Variants in CCSER1 observed in about 807,000 individuals in gnomAD.
CCSER1 encodes coiled-coil serine rich protein 1.
CCSER1 carries 41 observed loss-of-function variants against 82.0 expected under a neutral mutation model. The observed-to-expected ratio is 0.50, with a 90% CI of 0.39 to 0.65. The LOEUF (loss-of-function observed/expected upper bound fraction) is 0.65. CCSER1 is among the 30% of genes least tolerant of loss of function. The pLI, the probability that CCSER1 is intolerant of heterozygous loss-of-function variation, is 0.00. For synonymous variants in CCSER1, 414 were observed against 383.9 expected (o/e 1.08, Z -0.92); for missense variants, 1,119 against 1,064.2 (o/e 1.05, Z -0.72).
rs1448774349 is a variant in CCSER1, at chr4:91,233,909, A to C, written c.2217+147915A>C. Among the ~76,000 whole-genome samples, 7 of 152,068 alleles carry C rather than the reference A, an allele frequency of 4.6e-5. No individual in the cohort carries two copies. The East Asian group carries it at 1.4e-3, about 29-fold the overall frequency. ...ATAATTTAGTAAAGCAATTACTAATATATTCAAAATAAACCATGTCAATTA... is the reference window on the plus strand; with the variant it reads ...ATAATTTAGTAAAGCAATTACTAATCTATTCAAAATAAACCATGTCAATTA... On this transcript the variant is annotated intron_variant, in intron 10 of 10. Coordinates refer to ENST00000509176, the MANE Select transcript of CCSER1 (RefSeq NM_001145065.2).
intron 10 of CCSER1, among the ~76,000 whole-genome samples, chr4:91,301,621 T>G (rs536157667): frequency 2.1e-4 from 32 of 151,842 alleles, no homozygotes; most frequent in South Asian, 1.7e-3. Context: ...GTTTAACAAC[T>G]GATATGTTTT....
At chr4:91,031,179 C>T (rs980368908) in intron 9 of CCSER1, among the ~76,000 whole-genome samples, 3 of 152,154 alleles carry the variant, frequency 2.0e-5, no homozygotes, top group African/African-American at 7.2e-5. Context: ...TTACAGATGT[C>T]ACTGCCTGGA....
chr4:91,594,090 A>G, intron 10 of CCSER1, among the ~76,000 whole-genome samples: 1 of 152,010 alleles, frequency 6.6e-6, no homozygotes, highest in East Asian at 1.9e-4. Flanking sequence ...TGACAACTAA[A>G]TTGCGCAGAA....
chr4:90,173,469 G>T (rs1446640010), intron 1 of CCSER1, among the ~76,000 whole-genome samples: 1 of 151,796 alleles, frequency 6.6e-6, no homozygotes, highest in Non-Finnish European at 1.5e-5. Flanking sequence ...AGCATTTCAG[G>T]ATTAAGCTCA....
intron 4 of CCSER1, among the ~76,000 whole-genome samples, chr4:90,412,746 G>A (rs1755085185): frequency 6.6e-6 from 1 of 152,096 alleles, no homozygotes; most frequent in Non-Finnish European, 1.5e-5. Context: ...CGGCATAGAA[G>A]GGACATACCT....
chr4:90,878,006 A>C (rs1720608003), intron 8 of CCSER1, among the ~76,000 whole-genome samples: 1 of 152,156 alleles, frequency 6.6e-6, no homozygotes, highest in Non-Finnish European at 1.5e-5. Context: ...TGTGTGCATT[A>C]TCATGGGAAA....
Position 90,783,373 on chromosome 4 carries a change from G to A in CCSER1, c.2011-32389G>A, listed in dbSNP as rs11942077. Among the ~76,000 whole-genome samples, 687 of 152,270 alleles carry A rather than the reference G, an allele frequency of 4.5e-3. 5 individuals carry two copies. Among genetic ancestry groups the A allele is most frequent in the African/African-American group, 0.016 (662 of 41,548 alleles). On this transcript the variant is annotated intron_variant, in intron 7 of 10. Transcript: ENST00000509176. ...AAAAGCAGCTAAGATCCGTTTAACT[G>A]CAGCAGAAGTCACTGAAACCATAAA...
intron 10 of CCSER1, among the ~76,000 whole-genome samples, chr4:91,318,276 T>C (rs1745966419): frequency 6.6e-6 from 1 of 152,060 alleles, no homozygotes; most frequent in Admixed American, 6.6e-5. Context: ...ATTTATATTT[T>C]ATATTCTAAT....
At chr4:90,241,672 G>T (rs1248174833) in intron 1 of CCSER1, among the ~76,000 whole-genome samples, 1 of 152,040 alleles carries the variant, frequency 6.6e-6, no homozygotes, top group Non-Finnish European at 1.5e-5. Flanking sequence ...TTAGGGAAAA[G>T]AAGGAAAGGG....
intron 5 of CCSER1, among the ~76,000 whole-genome samples, chr4:90,579,159 G>T (rs767392671): frequency 2.6e-5 from 4 of 151,722 alleles, no homozygotes; most frequent in Admixed American, 2.6e-4. Context: ...TATTTTTTTC[G>T]CATGCTATAT....
At chr4:91,354,499 G>A (rs1748692049) in intron 10 of CCSER1, among the ~76,000 whole-genome samples, 1 of 152,184 alleles carries the variant, frequency 6.6e-6, no homozygotes. Flanking sequence ...TGCAACTTTG[G>A]AAATTTACTG....
intron 4 of CCSER1, among the ~76,000 whole-genome samples, chr4:90,445,489 G>A (rs1198294418): frequency 6.6e-6 from 1 of 152,030 alleles, no homozygotes; most frequent in Non-Finnish European, 1.5e-5. Context: ...TTATTTAGAT[G>A]TACGTGACTG....
At chr4:90,433,193 A>G (rs954516025) in intron 4 of CCSER1, among the ~76,000 whole-genome samples, 3 of 152,224 alleles carry the variant, frequency 2.0e-5, no homozygotes, top group East Asian at 3.9e-4. Context: ...ATTTTTGTGC[A>G]TTAGCGCCCC....
intron 5 of CCSER1, among the ~76,000 whole-genome samples, chr4:90,519,326 A>T (rs1772762142): frequency 6.6e-6 from 1 of 151,884 alleles, no homozygotes; most frequent in Admixed American, 6.6e-5. Context: ...TAATGTTGCT[A>T]TTATAAATGT....
At chr4:91,564,422 G>C (rs1762792181) in intron 10 of CCSER1, among the ~76,000 whole-genome samples, 2 of 152,018 alleles carry the variant, frequency 1.3e-5, no homozygotes, top group Admixed American at 6.6e-5. Flanking sequence ...TAATGGGATT[G>C]CTAGGTCAAA....
chr4:91,368,059 A>T (rs1749763913), intron 10 of CCSER1, among the ~76,000 whole-genome samples: 1 of 152,182 alleles, frequency 6.6e-6, no homozygotes, highest in South Asian at 2.1e-4. Context: ...TAAAAATATA[A>T]TGATAGTATT....
intron 5 of CCSER1, among the ~76,000 whole-genome samples, chr4:90,483,278 G>C (rs943330486): frequency 6.6e-6 from 1 of 152,152 alleles, no homozygotes; most frequent in Non-Finnish European, 1.5e-5. Flanking sequence ...CTGCACATGA[G>C]ATGGGTCTCC....
At chr4:91,594,400 CACAT>C (rs1324108878) in intron 10 of CCSER1, among the ~76,000 whole-genome samples, 66 of 133,914 alleles carry the variant, frequency 4.9e-4, no homozygotes, top group African/African-American at 1.5e-3. Flanking sequence ...TACATATATA[CACAT>C]ATATACACAT....
chr4:91,479,107 A>G (rs1757748667), intron 10 of CCSER1, among the ~76,000 whole-genome samples: 1 of 151,782 alleles, frequency 6.6e-6, no homozygotes. Context: ...ACTACAACTT[A>G]AGGATCTATT....
Sources: allele counts gnomAD v4.1 joint callset (sites outside exome capture counted in the v4.1 genomes callset), GRCh38; gene constraint gnomAD v4.1.1; transcripts MANE v1.5; gene names NCBI Gene and HGNC (gene_info 2026-07-23, HGNC 2026-07-21).